POLG: variants seen among roughly 807,000 people sequenced by gnomAD.
POLG encodes the protein DNA polymerase subunit gamma-1.
Under a neutral mutation model 155.4 loss-of-function variants are expected in POLG, and 110 were observed. The ratio of observed to expected loss-of-function variants is 0.71; its 90% CI spans 0.61 to 0.83. The LOEUF is 0.83. Among genes scored for constraint, POLG ranks in the 40% least tolerant of loss-of-function variants. The pLI is 0.00. For synonymous variants in POLG, 701 were observed against 631.5 expected (o/e 1.11, Z -1.65); for missense variants, 1,685 against 1,627.5 (o/e 1.04, Z -0.61).
rs569893483 is a variant in POLG, at chr15:89,319,148, G to C, written c.3105-49C>G. The C allele has an allele frequency of 1.7e-5, 28 of 1,614,098 alleles. No individual in the cohort carries two copies. The South Asian group carries it at 3.1e-4, about 18-fold the overall frequency. ...AGACTTTGTCTTTCAGCATCTCAAA[G>C]CTAAAAAACAAAGCATCCAAGCTCT... On this transcript the variant is annotated intron_variant, in intron 19 of 22. Transcript: ENST00000268124.
At position 89,327,293 on chromosome 15, in the gene POLG, G is replaced by C. The variant is rs1255723699; in HGVS notation, c.1307C>G (p.Pro436Arg). 1.9e-6 allele frequency: 3 copies of C among 1,614,040 alleles called. No homozygotes were observed. The highest frequency in any genetic ancestry group is 2.5e-6 in the Non-Finnish European group (3 of 1,180,042). Reference protein sequence around the residue: ...GMLEMGVSYLPVNQNWERYLA... With the variant: ...GMLEMGVSYLRVNQNWERYLA... ...GTAACGCTCCCAGTTCTGGTTGACA[G>C]GCAGGTAGGAGACACCCATCTCCAG... is the stretch of plus-strand genomic sequence containing the variant. Residue 436 changes from proline to arginine, a missense_variant, in exon 7 of 23, where the codon CCT (proline) becomes CGT (arginine). Pro to Arg is a moderately radical substitution (Grantham distance 103, BLOSUM62 -2). Coordinates refer to ENST00000268124, the MANE Select transcript of POLG (RefSeq NM_002693.3).
At position 89,325,446 on chromosome 15, in the gene POLG, T is replaced by G; in HGVS notation, c.1949+4A>C. On this transcript the variant is annotated splice_donor_region_variant and intron_variant, in intron 10 of 22. Transcript: ENST00000268124. ...CCCCTTCCTCCCCTGGGCCTAAGCC[T>G]TACCTGTAGGGGCAGACCACCCCAG... The G allele has an allele frequency of 6.3e-7, 1 of 1,594,354 alleles. No individual in the cohort carries two copies. The highest frequency in any genetic ancestry group is 8.5e-7 in the Non-Finnish European group (1 of 1,173,118).
rs775635835 is a variant in POLG at position 89,321,829 on chromosome 15, G to T, written c.2505C>A (p.Gly835=). Residue 835 remains glycine, a synonymous_variant, in exon 16 of 23, where the codon GGC becomes GGA. Coordinates refer to ENST00000268124, the MANE Select transcript of POLG (RefSeq NM_002693.3). ...VIRHPDYDEE[G]LYGAILPQVV... Reference sequence around the variant, plus strand: ...CTTGGGGCAGGATGGCCCCATAGAGGCCTTCCTCATCATAGTCGGGGTGCC... The same window carrying T: ...CTTGGGGCAGGATGGCCCCATAGAGTCCTTCCTCATCATAGTCGGGGTGCC... The T allele has an allele frequency of 2.5e-6, 4 of 1,614,068 alleles. No homozygotes were observed. The highest frequency in any genetic ancestry group is 2.2e-5 in the East Asian group (1 of 44,874).
chr15:89,321,234 T>C lies in POLG; in HGVS notation c.2625A>G (p.Lys875=). The C allele has an allele frequency of 6.2e-7, 1 of 1,614,174 alleles. No individual in the cohort carries two copies. The highest frequency in any genetic ancestry group is 8.5e-7 in the Non-Finnish European group (1 of 1,180,010). The change falls in exon 17 of 23, where the codon AAA becomes AAG. Residue 875 remains lysine (K), a synonymous_variant. Coordinates refer to ENST00000268124, the MANE Select transcript of POLG (RefSeq NM_002693.3). ...AGCCAGGTGGGGCCTGCACCATGGC[T>C]TTCAACTCACTGCCTACTCGGTCAG... ...ARPDRVGSEL[K]AMVQAPPGYT... is the part of the protein sequence containing the mutation.
rs766185908 is a variant in POLG, at chr15:89,321,801, C to T, written c.2533G>A (p.Val845Met). The change falls in exon 16 of 23, where the codon GTG (valine) becomes ATG (methionine). Residue 845 changes from valine to methionine, a missense_variant. Transcript: ENST00000268124. Reference sequence around the variant, plus strand: ...CGGCGAGTGATGGTGCCGGCAGTCACCACTTGGGGCAGGATGGCCCCATAG... The same window carrying T: ...CGGCGAGTGATGGTGCCGGCAGTCATCACTTGGGGCAGGATGGCCCCATAG... ...GLYGAILPQV[V>M]TAGTITRRAV... 3 of 1,614,156 alleles carry T rather than the reference C, an allele frequency of 1.9e-6. No homozygotes were observed. Among genetic ancestry groups the T allele is most frequent in the South Asian group, 1.1e-5 (1 of 91,078 alleles).
rs369544574 is a variant in POLG at position 89,317,460 on chromosome 15, G to A, written c.3559C>T (p.Arg1187Trp). 4.6e-4 allele frequency: 746 copies of A among 1,614,036 alleles called. 16 individuals carry two copies. In the South Asian group the frequency reaches 6.8e-3, roughly 15 times the overall value. Residue 1187 changes from arginine to tryptophan, a missense_variant, in exon 22 of 23, where the codon CGG becomes TGG. By Grantham distance (101) the Arg-to-Trp change is moderately radical. Coordinates refer to ENST00000268124, the MANE Select transcript of POLG (RefSeq NM_002693.3). ...VAFFSAVDID[R>W]CLRKEVTMDC... The stretch of plus-strand genomic sequence containing the variant: ...ATGGTCACTTCCTTCCTGAGGCACC[G>A]GTCAATATCGACTGCACTGAAAAAG...
At position 89,330,120 on chromosome 15, in the gene POLG, G is replaced by C; in HGVS notation, c.816C>G (p.Ser272=). 6.2e-7 allele frequency: 1 copy of C among 1,614,118 alleles called. No homozygotes were observed. Among genetic ancestry groups the C allele is most frequent in the Non-Finnish European group, 8.5e-7 (1 of 1,180,036 alleles). ...QEQLVVGHNV[S]FDRAHIREQY... ...GCTCCCTGATATGAGCTCGGTCAAA[G>C]GAAACATTGTGCCCCACCACTAACT... The change falls in exon 3 of 23, where the codon TCC becomes TCG. Residue 272 remains serine, a synonymous_variant. Transcript: ENST00000268124.
At chr15:89,324,007 G>T (rs1180252977) in intron 11 of POLG, 100 bp downstream of exon 11, 35 of 1,573,054 alleles carry the variant, frequency 2.2e-5, no homozygotes, top group Admixed American at 3.3e-5. Flanking sequence ...AGTCTGGGGT[G>T]AGCCACCAGT....
At position 89,319,345 on chromosome 15, in the gene POLG, C is replaced by T. The variant is rs770236576; in HGVS notation, c.2987G>A (p.Arg996Gln). 2.5e-5 allele frequency: 41 copies of T among 1,613,860 alleles called. No homozygotes were observed. In the Admixed American group the frequency reaches 3.3e-4, roughly 13 times the overall value. ...YAATKGLRWY[R>Q]LSDEGEWLVR... is the part of the protein sequence containing the mutation. ...CAGCCACTCGCCCTCATCCGACAGC[C>T]GATACCTGGGGGCAGTGTTATCACC... The change falls in exon 19 of 23, where the codon CGG (arginine) becomes CAG (glutamine). Residue 996 changes from arginine (R) to glutamine (Q), a missense_variant. Transcript: ENST00000268124.
At chr15:89,323,049 ACGCG>A (rs1225494534) in intron 13 of POLG, 147 bp from the exon 14 acceptor site, 12 of 753,882 alleles carry the variant, frequency 1.6e-5, no homozygotes, top group African/African-American at 1.4e-4. Context: ...GCACGCGCGC[ACGCG>A]CGCACGCACA....
chr15:89,325,358 G>A (rs2055500448), intron 10 of POLG, 92 bp downstream of exon 10: 2 of 842,020 alleles, frequency 2.4e-6, no homozygotes, highest in Admixed American at 3.7e-5. Context: ...CCAGACTCTT[G>A]AACCCAAACT....
intron 5 of POLG, 65 bp from the exon 6 acceptor site, chr15:89,328,600 G>A: frequency 6.2e-7 from 1 of 1,607,182 alleles, no homozygotes; most frequent in Non-Finnish European, 8.5e-7. Flanking sequence ...CAGCTCTCAG[G>A]GTCAGGCCTG....
chr15:89,328,990 T>G lies in POLG; in HGVS notation c.976A>C (p.Thr326Pro). The G allele has an allele frequency of 6.2e-7, 1 of 1,613,730 alleles. No homozygotes were observed. The highest frequency in any genetic ancestry group is 1.1e-5 in the South Asian group (1 of 91,058). Residue 326 changes from threonine (T) to proline (P), a missense_variant, in exon 4 of 23, where the codon ACA becomes CCA. Physicochemically the swap from Thr to Pro is conservative, Grantham distance 38. Transcript: ENST00000268124. ...KQGKHKVQPP[T>P]KQGQKSQRKA... ...CTCTGGGACTTCTGGCCTTGCTTTG[T>G]GGGGGGCTGGACCTTGTGTTTGCCC...
At chr15:89,317,239 T>C in intron 22 of POLG, 137 bp downstream of exon 22, 1 of 759,766 alleles carries the variant, frequency 1.3e-6, no homozygotes, top group Non-Finnish European at 2.3e-6. Context: ...GGGCACCTTA[T>C]AAACTGAAAT....
Position 89,330,088 on chromosome 15 carries a change from A to G in POLG, c.848T>C (p.Leu283Pro). ...FDRAHIREQY[L>P]IQGSRMRFLD... ...TGGCCCCAGGAACCTTACCTGGATC[A>G]GGTACTGCTCCCTGATATGAGCTCG... Residue 283 changes from leucine to proline, a missense_variant, in exon 3 of 23, where the codon CTG becomes CCG. Physicochemically the swap from Leu to Pro is moderately conservative, Grantham distance 98. Transcript: ENST00000268124. The G allele has an allele frequency of 6.2e-7, 1 of 1,613,828 alleles. No homozygotes were observed. The highest frequency in any genetic ancestry group is 8.5e-7 in the Non-Finnish European group (1 of 1,179,710).
At position 89,319,052 on chromosome 15, in the gene POLG, C is replaced by G. The variant is rs775248939; in HGVS notation, c.3152G>C (p.Gly1051Ala). Reference protein sequence around the residue: ...WEVVAERAWKGGTESEMFNKL... With the variant: ...WEVVAERAWKAGTESEMFNKL... ...ATTGAACATTTCTGACTCTGTGCCC[C>G]CCTTCCATGCCCGTTCAGCAACCAC... Residue 1051 changes from glycine to alanine, a missense_variant, in exon 20 of 23, where the codon GGG (glycine) becomes GCG (alanine). Around this residue, in one of 3 missense-constraint regions of POLG, gnomAD observed 470 missense variants for 439.9 expected, o/e 1.07. Transcript: ENST00000268124. The G allele has an allele frequency of 1.2e-6, 2 of 1,613,994 alleles. No individual in the cohort carries two copies. Among genetic ancestry groups the G allele is most frequent in the South Asian group, 1.1e-5 (1 of 91,086 alleles).
intron 6 of POLG, 47 bp downstream of exon 6, chr15:89,328,409 C>G (rs1406590474): frequency 6.8e-7 from 1 of 1,480,956 alleles, no homozygotes; most frequent in South Asian, 1.1e-5. Context: ...GCCCGGGTAC[C>G]AGGAACACAC....
intron 18 of POLG, 81 bp from the exon 19 acceptor site, chr15:89,319,431 T>G (rs943617546): frequency 6.3e-7 from 1 of 1,574,852 alleles, no homozygotes; most frequent in Non-Finnish European, 8.6e-7. Context: ...TGTTCACATA[T>G]CACTTCAACT....
chr15:89,318,550 A>G lies in POLG; in HGVS notation c.3473T>C (p.Leu1158Pro). The change falls in exon 21 of 23, where the codon CTC becomes CCC. Residue 1158 changes from leucine to proline, a missense_variant. Leu to Pro is a moderately conservative substitution (Grantham distance 98). Around this residue, in one of 3 missense-constraint regions of POLG, gnomAD observed 470 missense variants for 439.9 expected, o/e 1.07. Transcript: ENST00000268124. ...CATGGGCCCCGCATACCTGGTCAAG[A>G]GGTTGGTGATCTGCAAGGCCAGGGC... Reference protein sequence around the residue: ...RAALALQITNLLTRCMFAYKL... With the variant: ...RAALALQITNPLTRCMFAYKL... 6.2e-7 allele frequency: 1 copy of G among 1,613,256 alleles called. No homozygotes were observed. The highest frequency in any genetic ancestry group is 8.5e-7 in the Non-Finnish European group (1 of 1,179,960).
Sources: gnomAD v4.1 joint callset for allele counts on GRCh38, gnomAD v4.1.1 for gene constraint, gnomAD v4.1.1 regional missense constraint, MANE v1.5 for transcripts, NCBI Gene and HGNC (gene_info 2026-07-23, HGNC 2026-07-21) for gene names.